ARL15: variants seen among roughly 807,000 people sequenced by gnomAD.
The protein encoded by ARL15 is ADP-ribosylation factor-like protein 15.
Under a neutral mutation model 25.2 loss-of-function variants are expected in ARL15, and 19 were observed. That is an observed-to-expected ratio of 0.75 (90% CI 0.53 to 1.10). The LOEUF (loss-of-function observed/expected upper bound fraction) is 1.10. ARL15 is among the 50% of genes least tolerant of loss of function. ARL15 has a pLI of 0.00. For missense variants in ARL15, 220 were observed against 246.0 expected (o/e 0.89, Z 0.71); for synonymous variants, 94 against 86.8 (o/e 1.08, Z -0.46).
At chr5:54,075,092 A>AAAAAAAAAAAAT (rs1751554748) in intron 4 of ARL15, among the ~76,000 whole-genome samples, 1 of 150,308 alleles carries the variant, frequency 6.7e-6, no homozygotes, top group African/African-American at 2.4e-5. Flanking sequence ...AAAAAAAAAA[A>AAAAAAAAAAAAT]GTCCTGGCCT....
At position 54,273,321 on chromosome 5, in the gene ARL15, C is replaced by G. The variant is rs527556435; in HGVS notation, c.48+37111G>C. Reference sequence around the variant, plus strand: ...CACCAATGATGGGATAAACTGGCACCCTGTGCTCCTGCTGAGATGCACTGA... The same window carrying G: ...CACCAATGATGGGATAAACTGGCACGCTGTGCTCCTGCTGAGATGCACTGA... On this transcript the variant is annotated intron_variant, in intron 1 of 4. Coordinates refer to ENST00000504924, the MANE Select transcript of ARL15 (RefSeq NM_019087.3). Among the ~76,000 whole-genome samples the G allele has an allele frequency of 2.0e-5, 3 of 152,190 alleles. No homozygotes were observed. In the East Asian group the frequency reaches 5.8e-4, roughly 29 times the overall value.
intron 1 of ARL15, among the ~76,000 whole-genome samples, chr5:54,296,696 C>A (rs1009910233): frequency 2.6e-5 from 4 of 152,238 alleles, no homozygotes; most frequent in African/African-American, 9.6e-5. Flanking sequence ...GGGATCTGGG[C>A]AAGCCAAGCA....
At chr5:54,124,041 G>C (rs1753169949) in intron 3 of ARL15, among the ~76,000 whole-genome samples, 1 of 152,270 alleles carries the variant, frequency 6.6e-6, no homozygotes, top group East Asian at 1.9e-4. Flanking sequence ...AAAAGGGAGA[G>C]AGACAGTGTA....
intron 2 of ARL15, among the ~76,000 whole-genome samples, chr5:54,162,678 T>C (rs183861520): frequency 6.6e-6 from 1 of 152,290 alleles, no homozygotes; most frequent in East Asian, 1.9e-4. Flanking sequence ...TCTGCTTCTA[T>C]TCTTATGGGC....
intron 4 of ARL15, among the ~76,000 whole-genome samples, chr5:53,923,159 C>T (rs1442887175): frequency 1.3e-5 from 2 of 152,244 alleles, no homozygotes; most frequent in East Asian, 1.9e-4. Flanking sequence ...CTTCACGATT[C>T]GGGCTCTGGT....
rs369400330 is a variant in ARL15, at chr5:53,946,428, C to T, written c.463-59715G>A. ...TCACACCACTGCACTCCAGTCTGGG[C>T]GACAGAGCAAGACTCGGTCTCAAGA... On this transcript the variant is annotated intron_variant, in intron 4 of 4. Coordinates refer to ENST00000504924, the MANE Select transcript of ARL15 (RefSeq NM_019087.3). Among the ~76,000 whole-genome samples the T allele has an allele frequency of 3.6e-4, 42 of 118,208 alleles. No individual in the cohort carries two copies. In the East Asian group the frequency reaches 5.4e-3, roughly 15 times the overall value. 77.5% of individuals were successfully genotyped at this position (118,208 alleles called of 152,430 possible). A position where few individuals can be genotyped will look rare whatever the true frequency, so the allele number is the denominator to read the frequency against.
At chr5:54,049,419 T>C (rs886800893) in intron 4 of ARL15, among the ~76,000 whole-genome samples, 1 of 152,172 alleles carries the variant, frequency 6.6e-6, no homozygotes, top group South Asian at 2.1e-4. Flanking sequence ...TACATAGGTA[T>C]CTTAAATCCA....
chr5:54,074,213 C>A (rs1332422628), intron 4 of ARL15, among the ~76,000 whole-genome samples: 1 of 152,086 alleles, frequency 6.6e-6, no homozygotes, highest in Non-Finnish European at 1.5e-5. Flanking sequence ...GATTGGTATT[C>A]AAACACCAGG....
At chr5:54,040,188 C>A (rs976599136) in intron 4 of ARL15, among the ~76,000 whole-genome samples, 3 of 152,108 alleles carry the variant, frequency 2.0e-5, no homozygotes, top group African/African-American at 7.2e-5. Flanking sequence ...TGTCTGGCAC[C>A]AATGGCACAT....
chr5:54,082,094 A>G (rs1485673105), intron 4 of ARL15, among the ~76,000 whole-genome samples: 4 of 125,908 alleles, frequency 3.2e-5, no homozygotes, highest in Admixed American at 2.4e-4. Flanking sequence ...AAAGGAAGGA[A>G]GGAAAGAAGG....
intron 4 of ARL15, among the ~76,000 whole-genome samples, chr5:54,052,311 C>T (rs925313752): frequency 6.6e-6 from 1 of 152,054 alleles, no homozygotes; most frequent in African/African-American, 2.4e-5. Context: ...TCGGGGAAGC[C>T]TAGCATGAAA....
intron 1 of ARL15, among the ~76,000 whole-genome samples, chr5:54,246,394 A>C (rs1757086785): frequency 6.6e-6 from 1 of 152,078 alleles, no homozygotes; most frequent in African/African-American, 2.4e-5. Flanking sequence ...CTATCCCCCA[A>C]GCTTCAGACT....
intron 3 of ARL15, among the ~76,000 whole-genome samples, chr5:54,134,738 C>T (rs919731599): frequency 6.6e-6 from 1 of 151,912 alleles, no homozygotes; most frequent in African/African-American, 2.4e-5. Flanking sequence ...GCACGCACCA[C>T]CACACCCAGC....
chr5:53,969,826 T>A (rs939777862), intron 4 of ARL15, among the ~76,000 whole-genome samples: 1 of 152,104 alleles, frequency 6.6e-6, no homozygotes, highest in Non-Finnish European at 1.5e-5. Context: ...TAAAACTCTT[T>A]ATTGGTAAAA....
intron 4 of ARL15, among the ~76,000 whole-genome samples, chr5:54,093,792 T>C (rs1177526399): frequency 1.3e-5 from 2 of 152,214 alleles, no homozygotes; most frequent in Non-Finnish European, 1.5e-5. Flanking sequence ...ACTCTTTTCT[T>C]ACTTAAATAC....
intron 4 of ARL15, among the ~76,000 whole-genome samples, chr5:54,007,532 C>T (rs370535924): frequency 1.6e-4 from 25 of 151,930 alleles, no homozygotes; most frequent in African/African-American, 5.1e-4. Flanking sequence ...AGTGGCCAGG[C>T]GCGGTGGCTC....
At chr5:54,094,368 A>G (rs1054914028) in intron 4 of ARL15, among the ~76,000 whole-genome samples, 9 of 152,092 alleles carry the variant, frequency 5.9e-5, no homozygotes, top group Non-Finnish European at 1.3e-4. Context: ...CAACAATATT[A>G]AAGATTTTTG....
At chr5:53,925,199 T>C (rs979814836) in intron 4 of ARL15, among the ~76,000 whole-genome samples, 3 of 124,074 alleles carry the variant, frequency 2.4e-5, no homozygotes, top group South Asian at 2.3e-4. Flanking sequence ...TCTATTTTTA[T>C]AATTTTTTTT....
intron 2 of ARL15, among the ~76,000 whole-genome samples, chr5:54,158,407 T>C (rs979861322): frequency 2.0e-5 from 3 of 152,218 alleles, no homozygotes; most frequent in African/African-American, 7.2e-5. Flanking sequence ...ATTTGTTTTA[T>C]ATTTGTTCTC....
Sources: gnomAD v4.1 joint callset for allele counts (sites outside exome capture counted in the v4.1 genomes callset) on GRCh38, gnomAD v4.1.1 for gene constraint, MANE v1.5 for transcripts, NCBI Gene and HGNC (gene_info 2026-07-23, HGNC 2026-07-21) for gene names.